The following ARHGEF38 variants were observed in gnomAD, a reference collection of about 807,000 sequenced individuals.
ARHGEF38 encodes the protein Rho guanine nucleotide exchange factor 38, also known as Rho guanine nucleotide exchange factor (GEF) 38.
ARHGEF38 carries 79 observed loss-of-function variants against 79.9 expected under a neutral mutation model. The observed-to-expected ratio is 0.99, with a 90% CI of 0.82 to 1.19. The LOEUF (loss-of-function observed/expected upper bound fraction) is 1.19. Ranked by LOEUF, ARHGEF38 falls within the 50% of genes most tolerant of loss-of-function variation. The pLI, the probability that ARHGEF38 is intolerant of heterozygous loss-of-function variation, is 0.00. For missense variants in ARHGEF38, 962 were observed against 907.2 expected, an observed-to-expected ratio of 1.06 and a Z score of -0.78; for synonymous variants, 366 against 328.3, an observed-to-expected ratio of 1.11 and a Z score of -1.24.
At chr4:105,607,671 G>A (rs1038811874) in intron 2 of ARHGEF38, among the ~76,000 whole-genome samples, 4 of 152,028 alleles carry the variant, frequency 2.6e-5, no homozygotes, top group African/African-American at 9.7e-5. Flanking sequence ...TCTAACTAAG[G>A]AACAGGAAAT....
intron 1 of ARHGEF38, chr4:105,561,444 A>AATGGAATGGAATGGAATGGAATGGAATG (rs1560684446): frequency 5.8e-4 from 25 of 42,968 alleles, no homozygotes; most frequent in Admixed American, 1.2e-3. Context: ...AGAATAGAAT[A>AATGGAATGGAATGGAATGGAATGGAATG]GAATGGAATA....
At chr4:105,631,688 C>A in intron 4 of ARHGEF38, 1 of 969,918 alleles carries the variant, frequency 1.0e-6, no homozygotes, top group Non-Finnish European at 1.2e-6. Flanking sequence ...TCACTATTAG[C>A]CCCTTTCTTC....
chr4:105,679,440 T>A lies in ARHGEF38; in HGVS notation c.*1503T>A. 1 of 1,588,570 alleles carries A rather than the reference T, an allele frequency of 6.3e-7. No individual in the cohort carries two copies. The highest frequency in any genetic ancestry group is 8.6e-7 in the Non-Finnish European group (1 of 1,159,370). On this transcript the variant is annotated 3_prime_UTR_variant, in exon 14 of 14. Coordinates refer to ENST00000420470, the MANE Select transcript of ARHGEF38 (RefSeq NM_001242729.2). ...TTCTTTCCAAGCACAGCTGACATCC[T>A]GTATTTCCTCTAGGCTTTCCAGAGT... is the stretch of plus-strand genomic sequence containing the variant.
At chr4:105,639,501 T>C (rs1321474728) in intron 5 of ARHGEF38, among the ~76,000 whole-genome samples, 2 of 152,038 alleles carry the variant, frequency 1.3e-5, no homozygotes, top group Non-Finnish European at 2.9e-5. Context: ...CAAATTCTTA[T>C]ATGGTTTAAT....
chr4:105,552,904 T>A lies in ARHGEF38; in HGVS notation c.139T>A (p.Ser47Thr), dbSNP rs781528661. ...VVESSVSGDH[S>T]GTLRRSQSDR... is the part of the protein sequence containing the mutation. ...TGAGAGCAGTGTTTCTGGGGACCAC[T>A]CTGGCACCTTGAGGAGGAGCCAATC... The change falls in exon 1 of 14, where the codon TCT (serine) becomes ACT (threonine). Residue 47 changes from serine to threonine, a missense_variant. Coordinates refer to ENST00000420470, the MANE Select transcript of ARHGEF38 (RefSeq NM_001242729.2). 2.5e-6 allele frequency: 4 copies of A among 1,613,882 alleles called. No individual in the cohort carries two copies. Among genetic ancestry groups the A allele is most frequent in the Non-Finnish European group, 2.5e-6 (3 of 1,179,842 alleles).
chr4:105,596,573 A>C (rs1727589311), intron 2 of ARHGEF38, among the ~76,000 whole-genome samples: 1 of 152,258 alleles, frequency 6.6e-6, no homozygotes, highest in African/African-American at 2.4e-5. Context: ...TTTATATATA[A>C]TAAAGAGATA....
intron 7 of ARHGEF38, among the ~76,000 whole-genome samples, chr4:105,650,057 G>A (rs1036125848): frequency 2.6e-5 from 4 of 152,140 alleles, no homozygotes; most frequent in African/African-American, 4.8e-5. Context: ...AACATAGTGT[G>A]TAAGCACTCA....
intron 4 of ARHGEF38, among the ~76,000 whole-genome samples, chr4:105,635,172 A>G (rs576271341): frequency 6.6e-6 from 1 of 152,134 alleles, no homozygotes; most frequent in Non-Finnish European, 1.5e-5. Context: ...ACTTTATCCC[A>G]TAAAAGGGTA....
intron 2 of ARHGEF38, among the ~76,000 whole-genome samples, chr4:105,602,383 G>A (rs1186585476): frequency 6.6e-6 from 1 of 152,148 alleles, no homozygotes; most frequent in Admixed American, 6.6e-5. Context: ...AATTTAAACT[G>A]TGTTTTAAAC....
chr4:105,661,291 T>A (rs1578358244), intron 10 of ARHGEF38, among the ~76,000 whole-genome samples: 2 of 152,208 alleles, frequency 1.3e-5, no homozygotes, highest in East Asian at 3.9e-4. Context: ...CTGTAAACAT[T>A]CAAGTTTTTA....
chr4:105,557,803 T>C (rs555621029), intron 1 of ARHGEF38, among the ~76,000 whole-genome samples: 95 of 152,256 alleles, frequency 6.2e-4, no homozygotes, highest in African/African-American at 2.2e-3. Context: ...TTAAGCCACC[T>C]AATCTCTAAT....
chr4:105,592,121 C>A (rs1045255443), intron 2 of ARHGEF38, among the ~76,000 whole-genome samples: 1 of 152,140 alleles, frequency 6.6e-6, no homozygotes, highest in Non-Finnish European at 1.5e-5. Context: ...AAATTTGGAA[C>A]CTAGCCCACT....
intron 7 of ARHGEF38, among the ~76,000 whole-genome samples, chr4:105,651,787 G>A (rs1016790649): frequency 4.6e-5 from 7 of 152,132 alleles, no homozygotes; most frequent in South Asian, 2.1e-4. Flanking sequence ...CTCAAGTAGC[G>A]CAGACTACAA....
intron 7 of ARHGEF38, among the ~76,000 whole-genome samples, chr4:105,649,813 A>C (rs901766110): frequency 6.6e-6 from 1 of 152,166 alleles, no homozygotes; most frequent in African/African-American, 2.4e-5. Flanking sequence ...CTATATTTCA[A>C]TCTTGACACT....
intron 13 of ARHGEF38, 47 bp downstream of exon 13, chr4:105,667,750 G>A (rs1003268051): frequency 5.2e-6 from 8 of 1,530,190 alleles, no homozygotes; most frequent in Non-Finnish European, 7.0e-6. Flanking sequence ...TCATGAAAGA[G>A]TATCTCTCTA....
intron 1 of ARHGEF38, among the ~76,000 whole-genome samples, chr4:105,575,464 C>T (rs184600942): frequency 2.0e-5 from 3 of 152,066 alleles, no homozygotes; most frequent in Non-Finnish European, 2.9e-5. Context: ...TTTTGAGAAA[C>T]GTCTATTTAT....
intron 9 of ARHGEF38, 111 bp from the exon 10 acceptor site, chr4:105,658,943 T>C: frequency 1.1e-6 from 1 of 925,162 alleles, no homozygotes; most frequent in South Asian, 1.8e-5. Context: ...GGTGCTTTCC[T>C]GTTTTCTTTT....
At chr4:105,583,432 T>C (rs150460006) in intron 1 of ARHGEF38, among the ~76,000 whole-genome samples, 12 of 152,278 alleles carry the variant, frequency 7.9e-5, no homozygotes, top group African/African-American at 2.6e-4. Context: ...GTTCCTTAAA[T>C]AGGCCATGCA....
At chr4:105,632,218 A>G (rs1310550727) in intron 4 of ARHGEF38, among the ~76,000 whole-genome samples, 1 of 152,124 alleles carries the variant, frequency 6.6e-6, no homozygotes, top group Admixed American at 6.5e-5. Flanking sequence ...TCTACTGGTC[A>G]TTAAATTACT....
Sources: allele counts gnomAD v4.1 joint callset (sites outside exome capture counted in the v4.1 genomes callset), GRCh38; gene constraint gnomAD v4.1.1; transcripts MANE v1.5; gene names NCBI Gene and HGNC (gene_info 2026-07-23, HGNC 2026-07-21).